Variants in SLC36A3 observed in about 807,000 individuals in gnomAD.
SLC36A3 encodes the protein proton-coupled amino acid transporter 3.
Under a neutral mutation model 44.3 loss-of-function variants are expected in SLC36A3, and 35 were observed. The observed-to-expected ratio is 0.79, with a 90% CI of 0.60 to 1.05. SLC36A3 has a LOEUF of 1.05. Ranked by LOEUF, SLC36A3 falls within the 50% of genes least tolerant of loss-of-function variation. SLC36A3 has a pLI of 0.00. For missense variants in SLC36A3, 540 were observed against 578.7 expected (o/e 0.93, Z 0.69); for synonymous variants, 211 against 227.6 (o/e 0.93, Z 0.66).
chr5:151,303,520 G>T lies in SLC36A3; in HGVS notation c.-166C>A. On this transcript the variant is annotated 5_prime_UTR_variant, in exon 1 of 10. Coordinates refer to ENST00000335230, the MANE Select transcript of SLC36A3 (RefSeq NM_181774.4). ...CCTGAAGTGCATGAATCAGGGAAGCGGTGGTGGCAGGAGAGGCTGATGTTG... is the reference window on the plus strand; with the variant it reads ...CCTGAAGTGCATGAATCAGGGAAGCTGTGGTGGCAGGAGAGGCTGATGTTG... 1.6e-6 allele frequency: 1 copy of T among 640,950 alleles called. No homozygotes were observed. Among genetic ancestry groups the T allele is most frequent in the Non-Finnish European group, 2.6e-6 (1 of 391,556 alleles). 39.7% of individuals were successfully genotyped at this position (640,950 alleles called of 1,614,324 possible). A position where few individuals can be genotyped will look rare whatever the true frequency, so the allele number is the denominator to read the frequency against.
At chr5:151,296,365 A>G (rs534060621) in intron 2 of SLC36A3, 97 bp from the exon 3 acceptor site, 2 of 1,028,724 alleles carry the variant, frequency 1.9e-6, no homozygotes, top group East Asian at 5.1e-5. Flanking sequence ...GTTGCATAAT[A>G]AAACTGTCTT....
Position 151,293,582 on chromosome 5 carries a change from C to A in SLC36A3, c.309-123G>T, listed in dbSNP as rs1041816057. On this transcript the variant is annotated intron_variant, in intron 3 of 9. Transcript: ENST00000335230. ...CATGAAGCCTTCTGTCAATTTTCTC[C>A]CAGTGATCTACTTTATACTTTAACA... The A allele has an allele frequency of 1.2e-5, 9 of 766,036 alleles. No homozygotes were observed. The African/African-American group carries it at 1.6e-4, about 13-fold the overall frequency. 47.5% of individuals were successfully genotyped at this position (766,036 alleles called of 1,614,324 possible).
chr5:151,291,963 C>A (rs148855061), intron 4 of SLC36A3, among the ~76,000 whole-genome samples: 2 of 151,660 alleles, frequency 1.3e-5, no homozygotes, highest in African/African-American at 4.9e-5. Context: ...TGAGTTCAAG[C>A]GATTCTCCTG....
At chr5:151,287,552 C>T (rs1754589742) in intron 5 of SLC36A3, 88 bp from the exon 6 acceptor site, 2 of 1,274,086 alleles carry the variant, frequency 1.6e-6, no homozygotes, top group South Asian at 1.4e-5. Context: ...ATTAATGTAA[C>T]TTTTTAGTAT....
chr5:151,277,421 A>G lies in SLC36A3; in HGVS notation c.1385T>C (p.Met462Thr), dbSNP rs1251731796. Residue 462 changes from methionine (M) to threonine (T), a missense_variant, in exon 10 of 10, where the codon ATG becomes ACG. Physicochemically the swap from Met to Thr is moderately conservative, Grantham distance 81 (BLOSUM62 -1). Coordinates refer to ENST00000335230, the MANE Select transcript of SLC36A3 (RefSeq NM_181774.4). ...YELPQPISHSMANSTGVHA is the reference protein window; with the variant it reads ...YELPQPISHSTANSTGVHA ...TGCATGGACACCTGTGGAGTTGGCC[A>G]TGGAATGGCTGATGGGTTGGGGCAA... 3 of 1,614,110 alleles carry G rather than the reference A, an allele frequency of 1.9e-6. No individual in the cohort carries two copies. The highest frequency in any genetic ancestry group is 4.5e-5 in the East Asian group (2 of 44,902).
intron 5 of SLC36A3, among the ~76,000 whole-genome samples, 191 bp from the exon 6 acceptor site, chr5:151,287,655 T>C (rs1294204240): frequency 2.6e-5 from 4 of 152,214 alleles, no homozygotes; most frequent in Non-Finnish European, 5.9e-5. Flanking sequence ...TCATATATTA[T>C]TATTTGCCAA....
At chr5:151,298,477 C>T in intron 2 of SLC36A3, 116 bp downstream of exon 2, 1 of 990,718 alleles carries the variant, frequency 1.0e-6, no homozygotes, top group Non-Finnish European at 1.5e-6. Context: ...GGCACATTTT[C>T]AATTGCAGAG....
chr5:151,291,744 A>G (rs1432688628), intron 4 of SLC36A3, among the ~76,000 whole-genome samples: 1 of 152,180 alleles, frequency 6.6e-6, no homozygotes, highest in East Asian at 1.9e-4. Flanking sequence ...AGATGAGTAC[A>G]TGGGGTCAGG....
At chr5:151,291,034 G>A (rs1413636477) in intron 4 of SLC36A3, among the ~76,000 whole-genome samples, 1 of 150,822 alleles carries the variant, frequency 6.6e-6, no homozygotes, top group African/African-American at 2.4e-5. Flanking sequence ...CCAGGCTAGA[G>A]TGTAGTGGTG....
chr5:151,293,996 A>G (rs564508052), intron 3 of SLC36A3, among the ~76,000 whole-genome samples: 2 of 152,338 alleles, frequency 1.3e-5, no homozygotes, highest in East Asian at 3.9e-4. Flanking sequence ...CCTGCTGCAG[A>G]AACACCTTTG....
chr5:151,279,135 C>T (rs904935042), intron 9 of SLC36A3, among the ~76,000 whole-genome samples: 1 of 151,544 alleles, frequency 6.6e-6, no homozygotes, highest in African/African-American at 2.4e-5. Context: ...TTCACTCCTC[C>T]GTCTATTTGC....
chr5:151,287,384 A>G lies in SLC36A3; in HGVS notation c.570T>C (p.Arg190=), dbSNP rs199532142. 14 of 1,614,160 alleles carry G rather than the reference A, an allele frequency of 8.7e-6. No homozygotes were observed. The East Asian group carries it at 2.9e-4, about 33-fold the overall frequency. ...AGGGCAGGATTATCAGCATGTAGAA[A>G]CGAATGTCCAGGATGGGGGTCAGCG... is the stretch of plus-strand genomic sequence containing the variant. ...ILTLTPILDI[R]FYMLIILPFL... Residue 190 remains arginine (R), a synonymous_variant, in exon 6 of 10, where the codon CGT becomes CGC. Transcript: ENST00000335230.
intron 2 of SLC36A3, among the ~76,000 whole-genome samples, 172 bp downstream of exon 2, chr5:151,298,421 A>C (rs1369394433): frequency 6.6e-6 from 1 of 152,158 alleles, no homozygotes; most frequent in Admixed American, 6.5e-5. Context: ...CCCTTCAGGG[A>C]TGCTCAGGTT....
chr5:151,299,225 G>GCTCTCTCTCTCT (rs61382152), intron 1 of SLC36A3, among the ~76,000 whole-genome samples: 41 of 92,374 alleles, frequency 4.4e-4, no homozygotes, highest in Non-Finnish European at 6.6e-4. Context: ...TTGCTTGTGC[G>GCTCTCTCTCTCT]CTCTCTCTCT....
At chr5:151,299,850 C>T (rs1217275620) in intron 1 of SLC36A3, among the ~76,000 whole-genome samples, 1 of 152,190 alleles carries the variant, frequency 6.6e-6, no homozygotes, top group Non-Finnish European at 1.5e-5. Flanking sequence ...CATGATGAAT[C>T]ATGGAATCAT....
At chr5:151,295,770 C>T (rs1031213052) in intron 3 of SLC36A3, among the ~76,000 whole-genome samples, 3 of 152,160 alleles carry the variant, frequency 2.0e-5, no homozygotes, top group Non-Finnish European at 4.4e-5. Flanking sequence ...CTTTTACTAA[C>T]ATTGCATGGA....
intron 1 of SLC36A3, among the ~76,000 whole-genome samples, chr5:151,299,494 C>G (rs768368230): frequency 2.0e-5 from 3 of 151,508 alleles, no homozygotes; most frequent in Non-Finnish European, 4.4e-5. Flanking sequence ...TTATGATGGT[C>G]CCAGCAGGGT....
At chr5:151,298,361 C>T in intron 2 of SLC36A3, 1 of 481,154 alleles carries the variant, frequency 2.1e-6, no homozygotes, top group Non-Finnish European at 3.7e-6. Context: ...AGAATTGTGG[C>T]AAAGTAGAGT....
chr5:151,280,918 A>G (rs1754284120), intron 9 of SLC36A3, 96 bp downstream of exon 9: 2 of 1,495,138 alleles, frequency 1.3e-6, no homozygotes, highest in East Asian at 2.3e-5. Context: ...CTAGGTCACA[A>G]AGAAGGCAAG....
Sources: allele counts gnomAD v4.1 joint callset (sites outside exome capture counted in the v4.1 genomes callset), GRCh38; gene constraint gnomAD v4.1.1; transcripts MANE v1.5; gene names NCBI Gene and HGNC (gene_info 2026-07-23, HGNC 2026-07-21).